STIM1: variants seen among roughly 807,000 people sequenced by gnomAD.
STIM1 encodes stromal interaction molecule 1.
In STIM1, 25 loss-of-function variants were observed where a neutral mutation model predicts 74.7. The observed-to-expected ratio is 0.33, with a 90% CI of 0.24 to 0.47. STIM1 has a LOEUF of 0.47. Ranked by LOEUF, STIM1 falls within the 20% of genes least tolerant of loss-of-function variation. The pLI is 1.00. For missense variants in STIM1, 728 were observed against 920.8 expected (o/e 0.79, Z 2.71); for synonymous variants, 328 against 348.8 (o/e 0.94, Z 0.66).
chr11:3,927,025 C>T (rs764724186), intron 1 of STIM1, among the ~76,000 whole-genome samples: 7 of 152,172 alleles, frequency 4.6e-5, no homozygotes, highest in African/African-American at 1.7e-4. Context: ...TGGCATCTAA[C>T]TTTTAAGGTT....
chr11:3,931,776 T>C (rs924698776), intron 1 of STIM1, among the ~76,000 whole-genome samples: 1 of 152,182 alleles, frequency 6.6e-6, no homozygotes, highest in African/African-American at 2.4e-5. Context: ...TGACACTGTA[T>C]GGCAGACACA....
intron 1 of STIM1, among the ~76,000 whole-genome samples, chr11:3,871,898 T>A (rs577609620): frequency 2.7e-4 from 41 of 152,334 alleles, no homozygotes; most frequent in African/African-American, 9.6e-4. Context: ...GATAGGCATT[T>A]ATTCATACAC....
chr11:3,908,023 A>G (rs2092496142), intron 1 of STIM1, among the ~76,000 whole-genome samples: 1 of 152,144 alleles, frequency 6.6e-6, no homozygotes, highest in South Asian at 2.1e-4. Context: ...TCTATTTTTC[A>G]TTACAGCATT....
At chr11:4,081,981 G>A (rs770843031) in intron 7 of STIM1, among the ~76,000 whole-genome samples, 38 of 152,224 alleles carry the variant, frequency 2.5e-4, no homozygotes, top group Admixed American at 2.4e-3. Flanking sequence ...TTGGGTTCTG[G>A]TTGACACTGT....
chr11:3,871,120 G>T (rs2091076826), intron 1 of STIM1, among the ~76,000 whole-genome samples: 1 of 151,956 alleles, frequency 6.6e-6, no homozygotes, highest in Non-Finnish European at 1.5e-5. Flanking sequence ...GCTTGCTTCG[G>T]CCTCCCAAAG....
intron 12 of STIM1, among the ~76,000 whole-genome samples, chr11:4,087,319 A>G (rs1224564955): frequency 6.6e-6 from 1 of 152,190 alleles, no homozygotes; most frequent in Non-Finnish European, 1.5e-5. Flanking sequence ...ATTAAGTGCT[A>G]TGGGGGTGTT....
chr11:3,929,762 T>C (rs2092834850), intron 1 of STIM1, among the ~76,000 whole-genome samples: 1 of 152,082 alleles, frequency 6.6e-6, no homozygotes, highest in African/African-American at 2.4e-5. Context: ...TTGTTCAGAG[T>C]GGACCCCGTT....
intron 1 of STIM1, among the ~76,000 whole-genome samples, chr11:3,957,927 G>A (rs935411480): frequency 2.0e-5 from 3 of 151,726 alleles, no homozygotes; most frequent in Non-Finnish European, 4.4e-5. Flanking sequence ...GTGCAGTGGC[G>A]CAGTCTTGAC....
At chr11:4,055,247 TCA>T (rs2094279190) in intron 3 of STIM1, among the ~76,000 whole-genome samples, 1 of 152,250 alleles carries the variant, frequency 6.6e-6, no homozygotes, top group East Asian at 1.9e-4. Flanking sequence ...AATATATCCA[TCA>T]CCTTATAATG....
intron 5 of STIM1, among the ~76,000 whole-genome samples, chr11:4,063,817 T>C (rs1050178780): frequency 1.3e-5 from 2 of 152,226 alleles, no homozygotes; most frequent in African/African-American, 4.8e-5. Context: ...AGGTGTGTTT[T>C]ATGATTTGTA....
At chr11:4,046,104 G>A (rs1401374960) in intron 3 of STIM1, among the ~76,000 whole-genome samples, 3 of 104,190 alleles carry the variant, frequency 2.9e-5, no homozygotes, top group Admixed American at 3.1e-4. Flanking sequence ...TCAGTCTGTC[G>A]CCCAGGCTGG....
intron 1 of STIM1, among the ~76,000 whole-genome samples, chr11:3,950,521 T>C (rs1364530606): frequency 6.6e-6 from 1 of 152,222 alleles, no homozygotes; most frequent in Non-Finnish European, 1.5e-5. Flanking sequence ...ATGGGCTGCT[T>C]CCAGTTTTGG....
At chr11:4,038,511 G>T (rs541447971) in intron 3 of STIM1, among the ~76,000 whole-genome samples, 8 of 152,212 alleles carry the variant, frequency 5.3e-5, no homozygotes, top group African/African-American at 7.2e-5. Flanking sequence ...GAAATTCAAG[G>T]CCATAAGCTG....
intron 1 of STIM1, among the ~76,000 whole-genome samples, chr11:3,904,196 C>CAAAAAAAAAAA (rs57908154): frequency 6.8e-4 from 50 of 73,858 alleles, no homozygotes; most frequent in African/African-American, 1.6e-3. Context: ...GACTCTGTCT[C>CAAAAAAAAAAA]AAAAAAAAAA....
At chr11:4,043,447 GGTAA>G (rs1178118913) in intron 3 of STIM1, among the ~76,000 whole-genome samples, 4 of 152,028 alleles carry the variant, frequency 2.6e-5, no homozygotes, top group African/African-American at 4.8e-5. Context: ...AGTCTGTGGG[GGTAA>G]GTGATACTTT....
intron 2 of STIM1, among the ~76,000 whole-genome samples, chr11:4,009,768 C>T (rs1278129880): frequency 2.0e-5 from 3 of 152,110 alleles, no homozygotes; most frequent in Non-Finnish European, 4.4e-5. Flanking sequence ...AGTCCTTAAG[C>T]CACTCCTGTA....
At chr11:4,010,937 C>T (rs1020360904) in intron 2 of STIM1, among the ~76,000 whole-genome samples, 4 of 152,008 alleles carry the variant, frequency 2.6e-5, no homozygotes, top group Admixed American at 6.6e-5. Flanking sequence ...TCTCATTGTT[C>T]AACTCCCACT....
At chr11:3,895,718 CTTTCTTTCTTTCTTTCTTTTT>C (rs2092104955) in intron 1 of STIM1, among the ~76,000 whole-genome samples, 3 of 32,938 alleles carry the variant, frequency 9.1e-5, no homozygotes, top group African/African-American at 4.1e-4. Flanking sequence ...TTCTTTCTTT[CTTTCTTTCTTTCTTTCTTTTT>C]CTTTCTTCCT....
intron 1 of STIM1, among the ~76,000 whole-genome samples, chr11:3,863,220 A>ATGTGTGTG (rs56737126): frequency 7.9e-5 from 10 of 125,800 alleles, no homozygotes; most frequent in Non-Finnish European, 1.3e-4. Context: ...GAGACAATGC[A>ATGTGTGTG]TGTGTGTGTG....
Sources: gnomAD v4.1 joint callset for allele counts (sites outside exome capture counted in the v4.1 genomes callset) on GRCh38, gnomAD v4.1.1 for gene constraint, MANE v1.5 for transcripts, NCBI Gene and HGNC (gene_info 2026-07-23, HGNC 2026-07-21) for gene names.